GRHL1: variants seen among roughly 807,000 people sequenced by gnomAD.
GRHL1 encodes grainyhead-like protein 1 homolog.
GRHL1 carries 38 observed loss-of-function variants against 75.7 expected under a neutral mutation model. The ratio of observed to expected loss-of-function variants is 0.50; its 90% CI spans 0.39 to 0.66. The LOEUF (loss-of-function observed/expected upper bound fraction) is 0.66, where lower values mean the gene tolerates loss of function less well. GRHL1 is among the 30% of genes least tolerant of loss of function. The probability of loss-of-function intolerance (pLI) is 0.00; values close to 1 mark genes in which losing one functional copy is unlikely to be tolerated. For missense variants in GRHL1, 589 were observed against 767.5 expected (o/e 0.77, Z 2.75); for synonymous variants, 266 against 279.4 (o/e 0.95, Z 0.48).
chr2:9,996,352 T>C lies in GRHL1; in HGVS notation c.1628T>C (p.Phe543Ser). Reference protein sequence around the residue: ...LYVRKESEEVFDALMLKTPSL... With the variant: ...LYVRKESEEVSDALMLKTPSL... The stretch of plus-strand genomic sequence containing the variant: ...GTTCGAAAGGAGTCAGAAGAAGTCT[T>C]TGATGCCCTGATGCTCAAAACCCCA... Residue 543 changes from phenylalanine (F) to serine (S), a missense_variant, in exon 14 of 16, where the codon TTT (phenylalanine) becomes TCT (serine). Around this residue, in one of 5 missense-constraint regions of GRHL1, gnomAD observed 192 missense variants for 226.6 expected, o/e 0.85. Coordinates refer to ENST00000324907, the MANE Select transcript of GRHL1 (RefSeq NM_198182.3). The C allele has an allele frequency of 6.2e-7, 1 of 1,613,524 alleles. No individual in the cohort carries two copies. Among genetic ancestry groups the C allele is most frequent in the Non-Finnish European group, 8.5e-7 (1 of 1,179,416 alleles).
At chr2:9,981,771 T>C (rs1668207233) in intron 8 of GRHL1, among the ~76,000 whole-genome samples, 1 of 152,244 alleles carries the variant, frequency 6.6e-6, no homozygotes, top group South Asian at 2.1e-4. Context: ...ATTAAAAGCA[T>C]GCAATAAGCA....
chr2:9,969,449 A>T (rs1667624258), intron 8 of GRHL1, among the ~76,000 whole-genome samples: 1 of 152,246 alleles, frequency 6.6e-6, no homozygotes, highest in Non-Finnish European at 1.5e-5. Context: ...AACATTCTTG[A>T]CAGGGAAGAT....
chr2:9,998,983 G>A lies in GRHL1; in HGVS notation c.1696G>A (p.Val566Ile), dbSNP rs758905834. 3 of 1,574,086 alleles carry A rather than the reference G, an allele frequency of 1.9e-6. No homozygotes were observed. Among genetic ancestry groups the A allele is most frequent in the East Asian group, 4.7e-5 (2 of 42,978 alleles). The change falls in exon 15 of 16, where the codon GTT becomes ATT. Residue 566 changes from valine to isoleucine, a missense_variant. This residue lies in a region of GRHL1 where 192 missense variants were observed against 226.6 expected (regional missense o/e 0.85). Coordinates refer to ENST00000324907, the MANE Select transcript of GRHL1 (RefSeq NM_198182.3). ...LMEAISDKYD[V>I]PHDKIGKIFK... ...CTTTTAGATCTCAGACAAATACGAT[G>A]TTCCCCATGACAAGATTGGGAAAAT...
intron 8 of GRHL1, among the ~76,000 whole-genome samples, chr2:9,975,675 C>T (rs1207997030): frequency 6.6e-6 from 1 of 150,898 alleles, no homozygotes; most frequent in African/African-American, 2.4e-5. Context: ...ATCAGGAGTT[C>T]GAGACCAGCC....
In GRHL1 at chr2:9,964,015, A is replaced by G. The variant is rs754805749; in HGVS notation, c.876A>G (p.Gly292=). The change falls in exon 6 of 16, where the codon GGA becomes GGG. Residue 292 remains glycine, a synonymous_variant. Transcript: ENST00000324907. ...ITLKEVSSSE[G]IHHPISKVRS... ...TGAAGGAGGTGAGCAGCAGTGAAGG[A>G]ATCCATCATCCCATCAGCAAAGTTC... 3 of 1,613,928 alleles carry G rather than the reference A, an allele frequency of 1.9e-6. No homozygotes were observed. Among genetic ancestry groups the G allele is most frequent in the Middle Eastern group, 1.6e-4 (1 of 6,062 alleles).
At chr2:9,969,326 G>A (rs1667616279) in intron 8 of GRHL1, among the ~76,000 whole-genome samples, 1 of 152,206 alleles carries the variant, frequency 6.6e-6, no homozygotes, top group African/African-American at 2.4e-5. Flanking sequence ...ATGGCTGCCT[G>A]CCCAGCACCC....
At chr2:9,957,422 T>G (rs999465355) in intron 2 of GRHL1, among the ~76,000 whole-genome samples, 9 of 152,114 alleles carry the variant, frequency 5.9e-5, no homozygotes, top group African/African-American at 1.7e-4. Context: ...TATTTTTTTT[T>G]TTTTTGATAC....
Position 9,987,232 on chromosome 2 carries a change from C to G in GRHL1, c.1269+950C>G, listed in dbSNP as rs1299770652. Among the ~76,000 whole-genome samples, 1 of 152,168 alleles carries G rather than the reference C, an allele frequency of 6.6e-6. No individual in the cohort carries two copies. The highest frequency in any genetic ancestry group is 1.5e-5 in the Non-Finnish European group (1 of 68,018). On this transcript the variant is annotated intron_variant, in intron 9 of 15. Coordinates refer to ENST00000324907, the MANE Select transcript of GRHL1 (RefSeq NM_198182.3). This position sits in a 1 kb window ranked among gnomAD's most constrained non-coding sequence, Gnocchi z 4.2. ...ATGTGATGCGCCCACTTTGGCTTCC[C>G]AAAGTGCTGGGATTACAGGTGTGAG... is the stretch of plus-strand genomic sequence containing the variant.
chr2:9,991,685 T>C (rs1668648055), intron 10 of GRHL1, among the ~76,000 whole-genome samples: 1 of 152,250 alleles, frequency 6.6e-6, no homozygotes, highest in African/African-American at 2.4e-5. Context: ...GTTTACACAA[T>C]TATACATTTT....
chr2:9,961,143 C>G lies in GRHL1; in HGVS notation c.376C>G (p.His126Asp). 2 of 1,612,010 alleles carry G rather than the reference C, an allele frequency of 1.2e-6. No individual in the cohort carries two copies. Among genetic ancestry groups the G allele is most frequent in the Non-Finnish European group, 1.7e-6 (2 of 1,178,898 alleles). ...KNVPFNIVLP[H>D]GNQLGIDKRG... ...TGTGCCATTTAACATTGTCCTTCCC[C>G]ATGGCAACCAGCTGGGCATTGATAA... The change falls in exon 4 of 16, where the codon CAT (histidine) becomes GAT (aspartate). Residue 126 changes from histidine to aspartate, a missense_variant. His to Asp is a moderately conservative substitution (Grantham distance 81, BLOSUM62 -1). This residue lies in a region of GRHL1 where 362 missense variants were observed against 461.8 expected (regional missense o/e 0.78). Transcript: ENST00000324907.
chr2:9,967,421 T>C (rs1411977333), intron 8 of GRHL1, among the ~76,000 whole-genome samples: 1 of 152,236 alleles, frequency 6.6e-6, no homozygotes, highest in Non-Finnish European at 1.5e-5. Context: ...GTAGGGATAA[T>C]GGCTTGTTTT....
chr2:9,981,879 C>G (rs1294448729), intron 8 of GRHL1, among the ~76,000 whole-genome samples: 1 of 152,222 alleles, frequency 6.6e-6, no homozygotes, highest in Non-Finnish European at 1.5e-5. Context: ...CATGCTTTGT[C>G]CTGTGGTTCA....
chr2:9,952,479 C>A (rs1221526262), intron 1 of GRHL1, among the ~76,000 whole-genome samples: 1 of 152,078 alleles, frequency 6.6e-6, no homozygotes, highest in Non-Finnish European at 1.5e-5. Context: ...TACAGATTAC[C>A]GTGTTTTTAG....
chr2:9,978,707 C>T (rs1401878454), intron 8 of GRHL1, among the ~76,000 whole-genome samples: 1 of 152,150 alleles, frequency 6.6e-6, no homozygotes, highest in Admixed American at 6.5e-5. Context: ...AAAAAGGAAA[C>T]CAGCCGGGCA....
chr2:9,954,756 C>T, intron 1 of GRHL1, 159 bp from the exon 2 acceptor site: 2 of 698,292 alleles, frequency 2.9e-6, no homozygotes, highest in Non-Finnish European at 5.1e-6. Flanking sequence ...CATTGGTCTG[C>T]ACTTACGTGG....
At position 9,951,963 on chromosome 2, in the gene GRHL1, G is replaced by A; in HGVS notation, c.20+110G>A. ...GAGGCCGCGCGGGCGGGCGGGCGCG[G>A]GGCGCGAGCCGGGGGCCGCTGTCCA... On this transcript the variant is annotated intron_variant, in intron 1 of 15. Coordinates refer to ENST00000324907, the MANE Select transcript of GRHL1 (RefSeq NM_198182.3). The surrounding 1 kb of genome is among the most constrained non-coding windows in gnomAD (Gnocchi z 4.2). The A allele has an allele frequency of 1.7e-6, 1 of 575,516 alleles. No homozygotes were observed. 35.7% of individuals were successfully genotyped at this position (575,516 alleles called of 1,614,324 possible).
chr2:9,968,797 C>G lies in GRHL1; in HGVS notation c.1110+3416C>G, dbSNP rs1667591218. On this transcript the variant is annotated intron_variant, in intron 8 of 15. Transcript: ENST00000324907. This position sits in a 1 kb window ranked among gnomAD's most constrained non-coding sequence, Gnocchi z 4.7. ...CCAGCGATGCAGCTTTGCAGGAATT[C>G]AGAACTGAGCCCAGCACATATCCGA... Among the ~76,000 whole-genome samples the G allele has an allele frequency of 6.6e-6, 1 of 152,130 alleles. No homozygotes were observed. Among genetic ancestry groups the G allele is most frequent in the Non-Finnish European group, 1.5e-5 (1 of 68,020 alleles).
intron 1 of GRHL1, among the ~76,000 whole-genome samples, chr2:9,952,110 C>T (rs1402006784): frequency 5.8e-5 from 5 of 85,534 alleles, no homozygotes; most frequent in Non-Finnish European, 2.4e-5. Context: ...CTCCTCCCCT[C>T]CTCCGCGGCC....
intron 1 of GRHL1, among the ~76,000 whole-genome samples, chr2:9,953,733 T>A (rs908617065): frequency 5.3e-5 from 8 of 152,226 alleles, no homozygotes; most frequent in Non-Finnish European, 1.2e-4. Flanking sequence ...CTTTGTTGAT[T>A]ACTTGAAAAG....
Sources: gnomAD v4.1 joint callset for allele counts (sites outside exome capture counted in the v4.1 genomes callset) on GRCh38, gnomAD v4.1.1 for gene constraint, gnomAD v4.1.1 regional missense constraint, Gnocchi (gnomAD v3.1) non-coding constraint, MANE v1.5 for transcripts, NCBI Gene and HGNC (gene_info 2026-07-23, HGNC 2026-07-21) for gene names.